Variants in COP1 observed in about 807,000 individuals in gnomAD.
COP1 encodes COP1 E3 ubiquitin ligase.
Under a neutral mutation model 101.3 loss-of-function variants are expected in COP1, and 24 were observed. That is an observed-to-expected ratio of 0.24 (90% CI 0.17 to 0.33). COP1 has a LOEUF of 0.33. Among genes scored for constraint, COP1 ranks in the 10% least tolerant of loss-of-function variants. The probability of loss-of-function intolerance (pLI) is 1.00; values close to 1 mark genes in which losing one functional copy is unlikely to be tolerated. For synonymous variants in COP1, 347 were observed against 341.9 expected (o/e 1.01, Z -0.17); for missense variants, 663 against 906.2 (o/e 0.73, Z 3.45).
At chr1:176,190,000 T>C (rs532940537) in intron 1 of COP1, among the ~76,000 whole-genome samples, 1 of 151,892 alleles carries the variant, frequency 6.6e-6, no homozygotes, top group Non-Finnish European at 1.5e-5. Context: ...TAAATAAGCA[T>C]AATGAATAAT....
chr1:176,079,067 A>G (rs12128327), intron 11 of COP1, among the ~76,000 whole-genome samples: 9,966 of 152,240 alleles, frequency 0.065, 447 homozygotes, highest in Non-Finnish European at 0.087. Context: ...ACCACTATGG[A>G]AAGCAGTTTG....
At chr1:176,012,720 A>G (rs1271948929) in intron 15 of COP1, among the ~76,000 whole-genome samples, 1 of 152,100 alleles carries the variant, frequency 6.6e-6, no homozygotes. Context: ...TTCTACATTT[A>G]GATACACGAA....
At chr1:176,130,148 G>A (rs944121248) in intron 8 of COP1, among the ~76,000 whole-genome samples, 49 of 151,526 alleles carry the variant, frequency 3.2e-4, no homozygotes, top group African/African-American at 1.2e-3. Context: ...AAAAAAATCA[G>A]CATTGTCCTA....
At chr1:176,007,172 C>G (rs1012458153) in intron 15 of COP1, among the ~76,000 whole-genome samples, 4 of 152,054 alleles carry the variant, frequency 2.6e-5, no homozygotes, top group Non-Finnish European at 5.9e-5. Context: ...ACGTAGTTCT[C>G]GAGCCTTGGT....
In COP1 at chr1:176,179,212, C is replaced by G. The variant is rs538906207; in HGVS notation, c.468-3205G>C. Among the ~76,000 whole-genome samples the G allele has an allele frequency of 2.1e-3, 312 of 151,646 alleles. 1 individual carries two copies. The highest frequency in any genetic ancestry group is 3.7e-3 in the Non-Finnish European group (252 of 67,924). ...GGCCGAGGCAGGAAAATTGCTTGAC[C>G]CTGGGGGGCAGAGGTTGCAGTGAGC... On this transcript the variant is annotated intron_variant, in intron 2 of 19. Coordinates refer to ENST00000367669, the MANE Select transcript of COP1 (RefSeq NM_022457.7).
rs117101883 is a variant in COP1 at position 176,000,161 on chromosome 1, C to G, written c.1730-10682G>C. Among the ~76,000 whole-genome samples the G allele has an allele frequency of 9.9e-4, 150 of 152,034 alleles. 4 individuals carry two copies. The East Asian group carries it at 0.027, about 27-fold the overall frequency. On this transcript the variant is annotated intron_variant, in intron 15 of 19. Transcript: ENST00000367669. ...TGCTTTGGCTGCTTGTGGGATATTA[C>G]TAAAGAAATTTTTGCTTAGACCAAA...
At chr1:175,953,092 C>T (rs917222272) in intron 18 of COP1, among the ~76,000 whole-genome samples, 11 of 151,896 alleles carry the variant, frequency 7.2e-5, no homozygotes, top group Admixed American at 6.5e-4. Context: ...TACATGACAA[C>T]AAAAGCACAA....
intron 11 of COP1, among the ~76,000 whole-genome samples, chr1:176,056,276 G>A (rs1673466253): frequency 6.6e-6 from 1 of 152,082 alleles, no homozygotes; most frequent in East Asian, 1.9e-4. Context: ...ATAAATGTTT[G>A]TATATGTGTT....
At chr1:176,206,255 A>C in intron 1 of COP1, 1 of 345,736 alleles carries the variant, frequency 2.9e-6, no homozygotes, top group Middle Eastern at 8.0e-4. Context: ...CTCTCTGCCA[A>C]CTTTGTTATC....
intron 9 of COP1, 134 bp downstream of exon 9, chr1:176,116,490 C>A: frequency 3.2e-6 from 2 of 633,432 alleles, no homozygotes; most frequent in African/African-American, 1.9e-5. Context: ...AAGAGCTATT[C>A]AAGTGCTAAT....
chr1:176,199,157 A>G (rs1700020480), intron 1 of COP1, among the ~76,000 whole-genome samples: 1 of 152,096 alleles, frequency 6.6e-6, no homozygotes, highest in South Asian at 2.1e-4. Context: ...CTCTACTAAA[A>G]ATACAAAAAA....
At chr1:176,045,613 T>A (rs78824562) in intron 12 of COP1, among the ~76,000 whole-genome samples, 10,277 of 147,848 alleles carry the variant, frequency 0.07, 447 homozygotes, top group Admixed American at 0.088. Context: ...GATTCTAGAA[T>A]TCTTCTGAGA....
chr1:176,085,881 G>T lies in COP1; in HGVS notation c.1036C>A (p.Gln346Lys). 1 of 1,578,990 alleles carries T rather than the reference G, an allele frequency of 6.3e-7. No individual in the cohort carries two copies. The highest frequency in any genetic ancestry group is 8.7e-7 in the Non-Finnish European group (1 of 1,152,838). Residue 346 changes from glutamine (Q) to lysine (K), a missense_variant, in exon 10 of 20, where the codon CAG becomes AAG. Around this residue, in one of 4 missense-constraint regions of COP1, gnomAD observed 212 missense variants for 240.7 expected, o/e 0.88. Transcript: ENST00000367669. ...GFSGSSQTKK[Q>K]PWYNSTLASR... ...GCTAACGTGCTATTATACCAAGGCT[G>T]TTTCTTTGTCTAAAATAATAAGAAA... is the stretch of plus-strand genomic sequence containing the variant.
intron 8 of COP1, among the ~76,000 whole-genome samples, chr1:176,119,452 C>T (rs920526743): frequency 4.6e-5 from 7 of 152,062 alleles, no homozygotes; most frequent in African/African-American, 1.7e-4. Context: ...TTAAAAAATA[C>T]TCATCAGTTT....
At chr1:176,046,354 T>C in intron 11 of COP1, 30 bp from the exon 12 acceptor site, 2 of 1,592,092 alleles carry the variant, frequency 1.3e-6, no homozygotes, top group East Asian at 2.2e-5. Flanking sequence ...AATGACAACA[T>C]TTCAGAATTT....
chr1:176,110,148 C>T (rs998026182), intron 9 of COP1, among the ~76,000 whole-genome samples: 1 of 152,090 alleles, frequency 6.6e-6, no homozygotes, highest in African/African-American at 2.4e-5. Context: ...TTTATCTTGT[C>T]TTAGATTCAA....
intron 11 of COP1, among the ~76,000 whole-genome samples, chr1:176,066,025 C>T (rs776531645): frequency 9.9e-5 from 15 of 151,870 alleles, no homozygotes; most frequent in East Asian, 1.9e-4. Context: ...CGCACCTGGC[C>T]GGGGGATAAT....
chr1:176,137,354 T>G (rs1006902802), intron 6 of COP1, among the ~76,000 whole-genome samples: 3 of 152,294 alleles, frequency 2.0e-5, no homozygotes, highest in African/African-American at 7.2e-5. Context: ...AGATTTCATT[T>G]CATTTTCAGA....
At chr1:175,985,619 A>C (rs10913118) in intron 18 of COP1, among the ~76,000 whole-genome samples, 42,977 of 152,104 alleles carry the variant, frequency 0.28, 6,838 homozygotes, top group East Asian at 0.49. Flanking sequence ...CCACCCCACC[A>C]GAACTGACAA....
Sources: allele counts gnomAD v4.1 joint callset (sites outside exome capture counted in the v4.1 genomes callset), GRCh38; gene constraint gnomAD v4.1.1; regional missense constraint gnomAD v4.1.1; transcripts MANE v1.5; gene names NCBI Gene and HGNC (gene_info 2026-07-23, HGNC 2026-07-21).